The following ZC3HAV1 variants were observed in gnomAD, a reference collection of about 807,000 sequenced individuals.
The protein encoded by ZC3HAV1 is zinc finger CCCH-type antiviral protein 1.
A neutral mutation model predicts 86.6 loss-of-function variants in ZC3HAV1; 41 were observed. The observed-to-expected ratio is 0.47, with a 90% CI of 0.37 to 0.61. The LOEUF is 0.61. ZC3HAV1 is among the 20% of genes least tolerant of loss of function. ZC3HAV1 has a pLI of 0.00. For missense variants in ZC3HAV1, 964 were observed against 1,141.1 expected (o/e 0.84, Z 2.24); for synonymous variants, 421 against 432.1 (o/e 0.97, Z 0.32).
At chr7:139,081,422 G>A (rs1274085504) in intron 3 of ZC3HAV1, among the ~76,000 whole-genome samples, 2 of 152,144 alleles carry the variant, frequency 1.3e-5, no homozygotes, top group African/African-American at 4.8e-5. Context: ...AACTGGAAGT[G>A]AAAATATATA....
chr7:139,080,044 A>G lies in ZC3HAV1; in HGVS notation c.897T>C (p.Tyr299=), dbSNP rs1199887101. 1.2e-6 allele frequency: 2 copies of G among 1,614,120 alleles called. No homozygotes were observed. Among genetic ancestry groups the G allele is most frequent in the Middle Eastern group, 1.6e-4 (1 of 6,062 alleles). ...PVDDLTRKFT[Y]LGSQDRARPP... ...GCCGAGCGCGATCCTGACTCCCCAGATACGTGAACTTGCGGGTGAGATCGT... is the reference window on the plus strand; with the variant it reads ...GCCGAGCGCGATCCTGACTCCCCAGGTACGTGAACTTGCGGGTGAGATCGT... Residue 299 remains tyrosine (Y), a synonymous_variant, in exon 4 of 13, where the codon TAT becomes TAC. Coordinates refer to ENST00000242351, the MANE Select transcript of ZC3HAV1 (RefSeq NM_020119.4).
rs1272446690 is a variant in ZC3HAV1 at position 139,045,091 on chromosome 7, C to A, written c.*2503G>T. 1 of 152,010 alleles carries A rather than the reference C, an allele frequency of 6.6e-6. No homozygotes were observed. Among genetic ancestry groups the A allele is most frequent in the African/African-American group, 2.4e-5 (1 of 41,396 alleles). 9.4% of individuals were successfully genotyped at this position (152,010 alleles called of 1,614,324 possible). ...GTTACAGCTGTGCCCAAGTTAGGTA[C>A]CTTTTATTTCCTCTTTATGTTCATA... On this transcript the variant is annotated 3_prime_UTR_variant, in exon 13 of 13. Coordinates refer to ENST00000242351, the MANE Select transcript of ZC3HAV1 (RefSeq NM_020119.4).
intron 9 of ZC3HAV1, chr7:139,060,805 G>A (rs1466686923): frequency 1.8e-5 from 25 of 1,400,990 alleles, no homozygotes; most frequent in Admixed American, 1.6e-4. Flanking sequence ...TAGGAGACTC[G>A]CTCAGACTTC....
At chr7:139,106,692 A>G (rs1257402227) in intron 1 of ZC3HAV1, among the ~76,000 whole-genome samples, 3 of 152,186 alleles carry the variant, frequency 2.0e-5, no homozygotes, top group Non-Finnish European at 2.9e-5. Context: ...TAAGACAATC[A>G]GGGAAATTTG....
intron 7 of ZC3HAV1, among the ~76,000 whole-genome samples, chr7:139,070,595 C>A (rs1028405184): frequency 7.3e-6 from 1 of 136,956 alleles, no homozygotes; most frequent in South Asian, 2.4e-4. Flanking sequence ...ACACGGGAGG[C>A]GGGGCTTGCA....
Position 139,108,886 on chromosome 7 carries a change from G to C in ZC3HAV1, c.308+138C>G, listed in dbSNP as rs1441656249. On this transcript the variant is annotated intron_variant, in intron 1 of 12. Transcript: ENST00000242351. This position sits in a 1 kb window ranked among gnomAD's most constrained non-coding sequence, Gnocchi z 4.2. Reference sequence around the variant, plus strand: ...CTGCAGAGGCTCCCAGAGGGGAGCAGAGAAGGGAGTGGCTGGAGGCGGAGG... The same window carrying C: ...CTGCAGAGGCTCCCAGAGGGGAGCACAGAAGGGAGTGGCTGGAGGCGGAGG... 8.6e-7 allele frequency: 1 copy of C among 1,156,252 alleles called. No homozygotes were observed. The highest frequency in any genetic ancestry group is 1.6e-5 in the African/African-American group (1 of 63,806). The allele number at this position is 1,156,252 out of a possible 1,614,324, so 71.6% of individuals were successfully genotyped here. A position where few individuals can be genotyped will look rare whatever the true frequency, so the allele number is the denominator to read the frequency against.
chr7:139,060,795 T>C (rs1563126164), intron 9 of ZC3HAV1: 1 of 1,390,194 alleles, frequency 7.2e-7, no homozygotes, highest in Non-Finnish European at 9.4e-7. Flanking sequence ...CCAGAGTATT[T>C]AGGAGACTCG....
Position 139,105,329 on chromosome 7 carries a change from A to G in ZC3HAV1, c.308+3695T>C, listed in dbSNP as rs372859487. On this transcript the variant is annotated intron_variant, in intron 1 of 12. Coordinates refer to ENST00000242351, the MANE Select transcript of ZC3HAV1 (RefSeq NM_020119.4). ...AGGCTCCATGCCCGAGTTTCCTACA[A>G]TAAGGATGGGACTTAAAATACTACC... 7.2e-5 allele frequency among the ~76,000 whole-genome samples: 11 copies of G among 152,342 alleles called. No individual in the cohort carries two copies. The South Asian group carries it at 2.3e-3, about 32-fold the overall frequency.
rs1224338169 is a variant in ZC3HAV1, at chr7:139,083,941, C to T, written c.536G>A (p.Arg179Gln). Residue 179 changes from arginine to glutamine, a missense_variant, in exon 3 of 13, where the codon CGA becomes CAA. Physicochemically the swap from Arg to Gln is conservative, Grantham distance 43. Coordinates refer to ENST00000242351, the MANE Select transcript of ZC3HAV1 (RefSeq NM_020119.4). ...GCAGTTGGGAAAACGACAGTTCCCT[C>T]GGGTGAAGTGGTCACAGATGTGGAG... is the stretch of plus-strand genomic sequence containing the variant. ...SRLHICDHFT[R>Q]GNCRFPNCLR... 8 of 1,613,904 alleles carry T rather than the reference C, an allele frequency of 5.0e-6. No individual in the cohort carries two copies. Among genetic ancestry groups the T allele is most frequent in the Admixed American group, 3.3e-5 (2 of 59,960 alleles).
chr7:139,066,973 G>A (rs1189360475), intron 7 of ZC3HAV1, among the ~76,000 whole-genome samples: 1 of 152,124 alleles, frequency 6.6e-6, no homozygotes, highest in East Asian at 1.9e-4. Context: ...CCATACTTCA[G>A]CCAGCTCCCG....
rs1256275870 is a variant in ZC3HAV1 at position 139,046,291 on chromosome 7, A to G, written c.*1303T>C. ...TCTGATTCTGTGCTCACCAGGAAAC[A>G]AATTTCATCTCCGTAGGGGGCCCGT... On this transcript the variant is annotated 3_prime_UTR_variant, in exon 13 of 13. Transcript: ENST00000242351. The G allele has an allele frequency of 6.6e-6, 1 of 152,160 alleles. No homozygotes were observed. The highest frequency in any genetic ancestry group is 2.4e-5 in the African/African-American group (1 of 41,422). 9.4% of individuals were successfully genotyped at this position (152,160 alleles called of 1,614,324 possible). A position where few individuals can be genotyped will look rare whatever the true frequency, so the allele number is the denominator to read the frequency against.
At chr7:139,105,467 G>A (rs1817907811) in intron 1 of ZC3HAV1, among the ~76,000 whole-genome samples, 1 of 152,154 alleles carries the variant, frequency 6.6e-6, no homozygotes, top group South Asian at 2.1e-4. Context: ...TCAGAAGTGG[G>A]ATTAGAACTC....
chr7:139,056,150 C>A (rs1816273828), intron 9 of ZC3HAV1, among the ~76,000 whole-genome samples: 1 of 152,086 alleles, frequency 6.6e-6, no homozygotes, highest in South Asian at 2.1e-4. Flanking sequence ...CATGAGGAAA[C>A]AATTTGCTAA....
chr7:139,053,865 TAAC>T (rs1233975944), intron 11 of ZC3HAV1, 97 bp downstream of exon 11: 2 of 1,449,980 alleles, frequency 1.4e-6, no homozygotes, highest in African/African-American at 3.0e-5. Flanking sequence ...AAGGAACTGT[TAAC>T]TACTAAAATA....
At chr7:139,051,405 ATTTTT>A (rs58931897) in intron 12 of ZC3HAV1, among the ~76,000 whole-genome samples, 1 of 133,084 alleles carries the variant, frequency 7.5e-6, no homozygotes, top group Non-Finnish European at 1.6e-5. Context: ...CAATCATTTA[ATTTTT>A]TTTTTTTTTT....
At chr7:139,083,520 G>GGA (rs1362522326) in intron 3 of ZC3HAV1, among the ~76,000 whole-genome samples, 1 of 152,040 alleles carries the variant, frequency 6.6e-6, no homozygotes, top group African/African-American at 2.4e-5. Context: ...CCTTAGGTAA[G>GGA]GAGTTCAAGG....
intron 1 of ZC3HAV1, among the ~76,000 whole-genome samples, chr7:139,100,956 C>A (rs1392736733): frequency 6.6e-6 from 1 of 152,222 alleles, no homozygotes; most frequent in Non-Finnish European, 1.5e-5. Context: ...GATTCTCCTG[C>A]CTCAGCCTGC....
intron 9 of ZC3HAV1, 73 bp from the exon 10 acceptor site, chr7:139,055,368 A>T: frequency 3.0e-6 from 4 of 1,336,698 alleles, no homozygotes; most frequent in Non-Finnish European, 4.2e-6. Context: ...CTTAACTTCC[A>T]GCCACTAGGC....
intron 12 of ZC3HAV1, chr7:139,050,070 T>G (rs1563122116): frequency 6.5e-6 from 1 of 152,786 alleles, no homozygotes; most frequent in Non-Finnish European, 1.5e-5. Context: ...GAGTTATTTG[T>G]TCTCTTGCTG....
Sources: gnomAD v4.1 joint callset for allele counts (sites outside exome capture counted in the v4.1 genomes callset) on GRCh38, gnomAD v4.1.1 for gene constraint, Gnocchi (gnomAD v3.1) non-coding constraint, MANE v1.5 for transcripts, NCBI Gene and HGNC (gene_info 2026-07-23, HGNC 2026-07-21) for gene names.